The following VAV3 variants were observed in gnomAD, a reference collection of about 807,000 sequenced individuals.
The protein encoded by VAV3 is vav guanine nucleotide exchange factor 3.
In VAV3, 94 loss-of-function variants were observed where a neutral mutation model predicts 131.2. That is an observed-to-expected ratio of 0.72 (90% CI 0.61 to 0.85). The LOEUF is 0.85. VAV3 is among the 40% of genes least tolerant of loss of function. The pLI is 0.00. For synonymous variants in VAV3, 349 were observed against 342.0 expected (o/e 1.02, Z -0.22); for missense variants, 939 against 1,002.7 (o/e 0.94, Z 0.86).
At chr1:107,695,388 T>C (rs1659682197) in intron 17 of VAV3, among the ~76,000 whole-genome samples, 1 of 152,128 alleles carries the variant, frequency 6.6e-6, no homozygotes. Flanking sequence ...TCTGTGTATA[T>C]CAACACCATT....
At chr1:107,854,336 C>T (rs1444177010) in intron 2 of VAV3, among the ~76,000 whole-genome samples, 1 of 151,970 alleles carries the variant, frequency 6.6e-6, no homozygotes, top group African/African-American at 2.4e-5. Flanking sequence ...TAAAATTATG[C>T]TAGGTTAACA....
chr1:107,959,864 C>A (rs1409195762), intron 1 of VAV3, among the ~76,000 whole-genome samples: 1 of 152,158 alleles, frequency 6.6e-6, no homozygotes, highest in African/African-American at 2.4e-5. Context: ...ACATACACCC[C>A]AACACCATAC....
chr1:107,744,746 CACAGTGAGAAA>C (rs1663231222), intron 15 of VAV3, among the ~76,000 whole-genome samples: 1 of 152,144 alleles, frequency 6.6e-6, no homozygotes, highest in South Asian at 2.1e-4. Flanking sequence ...AGATCCTATT[CACAGTGAGAAA>C]ACAAAAACAA....
At chr1:107,758,466 G>C (rs371343756) in intron 10 of VAV3, among the ~76,000 whole-genome samples, 1 of 152,128 alleles carries the variant, frequency 6.6e-6, no homozygotes, top group Non-Finnish European at 1.5e-5. Flanking sequence ...CAGCTACTTG[G>C]GAGGCTAAGG....
At chr1:107,752,421 T>C (rs1217005577) in intron 12 of VAV3, among the ~76,000 whole-genome samples, 5 of 152,198 alleles carry the variant, frequency 3.3e-5, no homozygotes, top group African/African-American at 4.8e-5. Flanking sequence ...TTTATGACAA[T>C]AGATTCAGCA....
At chr1:107,777,335 C>G in intron 3 of VAV3, 39 bp from the exon 4 acceptor site, 1 of 1,582,170 alleles carries the variant, frequency 6.3e-7, no homozygotes, top group Non-Finnish European at 8.7e-7. Context: ...AAAAACAAAC[C>G]CATGAGTGAA....
intron 1 of VAV3, among the ~76,000 whole-genome samples, chr1:107,955,963 C>T: frequency 6.6e-6 from 1 of 152,216 alleles, no homozygotes; most frequent in Non-Finnish European, 1.5e-5. Flanking sequence ...GTTTCTATCT[C>T]TACTCTGAAA....
chr1:107,628,045 G>A (rs1223769618), intron 20 of VAV3, among the ~76,000 whole-genome samples: 1 of 149,568 alleles, frequency 6.7e-6, no homozygotes, highest in Non-Finnish European at 1.5e-5. Flanking sequence ...TGGGTGTTAT[G>A]ATAGAAGCCT....
At chr1:107,872,388 T>C (rs1670295022) in intron 2 of VAV3, among the ~76,000 whole-genome samples, 1 of 152,130 alleles carries the variant, frequency 6.6e-6, no homozygotes, top group African/African-American at 2.4e-5. Context: ...GATTCACCAA[T>C]GTAGGAAATG....
chr1:107,744,685 T>A (rs1306165104), intron 15 of VAV3, among the ~76,000 whole-genome samples: 2 of 152,262 alleles, frequency 1.3e-5, no homozygotes, highest in African/African-American at 4.8e-5. Context: ...CTTTATTTTT[T>A]ACTCAGGTTT....
chr1:107,637,712 G>A (rs985958456), intron 20 of VAV3, among the ~76,000 whole-genome samples: 1 of 152,100 alleles, frequency 6.6e-6, no homozygotes, highest in African/African-American at 2.4e-5. Context: ...TAAATTCTAC[G>A]ACACACTTCA....
intron 1 of VAV3, among the ~76,000 whole-genome samples, chr1:107,889,132 A>AGAGT (rs1553226404): frequency 4.9e-5 from 7 of 142,038 alleles, no homozygotes; most frequent in African/African-American, 1.6e-4. Flanking sequence ...TCCTGTGTAG[A>AGAGT]GTGTGTGTGT....
intron 1 of VAV3, among the ~76,000 whole-genome samples, chr1:107,913,822 G>C (rs1672483730): frequency 6.6e-6 from 1 of 152,038 alleles, no homozygotes; most frequent in African/African-American, 2.4e-5. Context: ...TTGAGGTGGA[G>C]TCTCACTCTG....
At position 107,883,174 on chromosome 1, in the gene VAV3, A is replaced by G. The variant is rs144094956; in HGVS notation, c.205-8157T>C. ...TATTCAATGATAATGTACTTTCATG[A>G]GTTATATGTAATTATATTGAAATGG... On this transcript the variant is annotated intron_variant, in intron 1 of 26. Transcript: ENST00000370056. Among the ~76,000 whole-genome samples the G allele has an allele frequency of 4.1e-3, 627 of 152,208 alleles. 5 individuals are homozygous for G. The highest frequency in any genetic ancestry group is 0.014 in the African/African-American group (589 of 41,516).
intron 11 of VAV3, 100 bp downstream of exon 11, chr1:107,757,161 G>A (rs1570905897): frequency 1.5e-6 from 1 of 669,620 alleles, no homozygotes. Flanking sequence ...ATATGTGTGT[G>A]TGTGTGTGTG....
chr1:107,660,611 C>A (rs1297333615), intron 19 of VAV3, among the ~76,000 whole-genome samples: 1 of 152,130 alleles, frequency 6.6e-6, no homozygotes, highest in East Asian at 1.9e-4. Flanking sequence ...TGAAGGAGAT[C>A]CTAGGAGATA....
At chr1:107,878,041 TA>T (rs1490326195) in intron 1 of VAV3, among the ~76,000 whole-genome samples, 3 of 152,186 alleles carry the variant, frequency 2.0e-5, no homozygotes, top group Non-Finnish European at 2.9e-5. Context: ...TTATTTATTT[TA>T]TTTTTTTGAA....
At chr1:107,683,380 T>G in intron 19 of VAV3, 108 bp downstream of exon 19, 1 of 1,293,244 alleles carries the variant, frequency 7.7e-7, no homozygotes, top group Non-Finnish European at 1.1e-6. Context: ...CACCAAATTA[T>G]GAGGAACAAA....
At chr1:107,575,778 A>T (rs1649603366) in intron 25 of VAV3, among the ~76,000 whole-genome samples, 1 of 152,204 alleles carries the variant, frequency 6.6e-6, no homozygotes, top group South Asian at 2.1e-4. Flanking sequence ...AAATTCTATG[A>T]TTTTTATTGG....
Sources: allele counts gnomAD v4.1 joint callset (sites outside exome capture counted in the v4.1 genomes callset), GRCh38; gene constraint gnomAD v4.1.1; transcripts MANE v1.5; gene names NCBI Gene and HGNC (gene_info 2026-07-23, HGNC 2026-07-21).